STK39: variants seen among roughly 807,000 people sequenced by gnomAD.
STK39 encodes serine/threonine kinase 39.
A neutral mutation model predicts 77.8 loss-of-function variants in STK39; 20 were observed. That is an observed-to-expected ratio of 0.26 (90% CI 0.18 to 0.37). STK39 has a LOEUF of 0.37. Among genes scored for constraint, STK39 ranks in the 10% least tolerant of loss-of-function variants. The pLI is 1.00. For synonymous variants in STK39, 246 were observed against 234.1 expected (o/e 1.05, Z -0.47); for missense variants, 479 against 656.5 (o/e 0.73, Z 2.95).
intron 14 of STK39, among the ~76,000 whole-genome samples, chr2:168,044,304 G>A (rs1031145594): frequency 6.6e-6 from 1 of 152,174 alleles, no homozygotes; most frequent in Non-Finnish European, 1.5e-5. Flanking sequence ...ACATAGTAGA[G>A]ATTAGGATGG....
At chr2:168,134,536 C>A (rs986811284) in intron 8 of STK39, among the ~76,000 whole-genome samples, 4 of 147,678 alleles carry the variant, frequency 2.7e-5, no homozygotes, top group African/African-American at 1.0e-4. Flanking sequence ...AAAGTTGGTT[C>A]TTTTTACAGT....
chr2:168,029,093 A>G (rs1684771936), intron 14 of STK39, among the ~76,000 whole-genome samples: 1 of 152,190 alleles, frequency 6.6e-6, no homozygotes, highest in East Asian at 1.9e-4. Flanking sequence ...AATTCTTGCA[A>G]GAAGGATGTT....
At chr2:168,099,681 C>T (rs1173626102) in intron 10 of STK39, among the ~76,000 whole-genome samples, 2 of 152,166 alleles carry the variant, frequency 1.3e-5, no homozygotes, top group Non-Finnish European at 2.9e-5. Flanking sequence ...TCAAGTTATA[C>T]AAAATCTTGT....
chr2:168,119,195 T>C (rs981248528), intron 10 of STK39, among the ~76,000 whole-genome samples: 2 of 152,184 alleles, frequency 1.3e-5, no homozygotes, highest in Non-Finnish European at 2.9e-5. Flanking sequence ...CTCAGGCCGA[T>C]GTGGATCACT....
intron 2 of STK39, among the ~76,000 whole-genome samples, chr2:168,170,084 A>G (rs6433038): frequency 0.44 from 66,717 of 152,072 alleles, 16,899 homozygotes; most frequent in East Asian, 0.77. Context: ...GATATGACCT[A>G]TGCTATCACT....
At chr2:168,036,457 T>C (rs1391183692) in intron 14 of STK39, among the ~76,000 whole-genome samples, 1 of 152,206 alleles carries the variant, frequency 6.6e-6, no homozygotes, top group Non-Finnish European at 1.5e-5. Context: ...TCATTCTGGC[T>C]CTAGGGATGA....
intron 5 of STK39, among the ~76,000 whole-genome samples, chr2:168,157,436 G>A (rs917664286): frequency 6.6e-6 from 1 of 151,996 alleles, no homozygotes; most frequent in African/African-American, 2.4e-5. Context: ...TTGTGTATTG[G>A]GCCTACTATA....
intron 1 of STK39, among the ~76,000 whole-genome samples, chr2:168,188,845 G>A (rs1010347670): frequency 1.3e-5 from 2 of 152,146 alleles, no homozygotes; most frequent in Non-Finnish European, 2.9e-5. Flanking sequence ...CTTGCCCTAC[G>A]CATTAATTTA....
Position 168,078,155 on chromosome 2 carries a change from C to T in STK39, c.1090-2924G>A, listed in dbSNP as rs560657938. Among the ~76,000 whole-genome samples the T allele has an allele frequency of 7.6e-4, 116 of 152,302 alleles. 3 individuals carry two copies. In the South Asian group the frequency reaches 0.023, roughly 30 times the overall value. On this transcript the variant is annotated intron_variant, in intron 10 of 17. Transcript: ENST00000355999. Reference sequence around the variant, plus strand: ...AGTTTAAGTGATACCTAAAGGAATTCATAATCTCACAAATTCTTCAGGTCA... The same window carrying T: ...AGTTTAAGTGATACCTAAAGGAATTTATAATCTCACAAATTCTTCAGGTCA...
rs539755262 is a variant in STK39 at position 168,177,533 on chromosome 2, C to A, written c.321+4445G>T. Reference sequence around the variant, plus strand: ...TCAATCCCTGAATAAAGTAGAGTAACCTGAACATCACAAAAAGTGGGGTTA... The same window carrying A: ...TCAATCCCTGAATAAAGTAGAGTAAACTGAACATCACAAAAAGTGGGGTTA... On this transcript the variant is annotated intron_variant, in intron 2 of 17. Coordinates refer to ENST00000355999, the MANE Select transcript of STK39 (RefSeq NM_013233.3). Among the ~76,000 whole-genome samples, 9 of 152,186 alleles carry A rather than the reference C, an allele frequency of 5.9e-5. No individual in the cohort carries two copies. The South Asian group carries it at 1.2e-3, about 21-fold the overall frequency.
At chr2:168,201,515 C>T (rs1033389597) in intron 1 of STK39, among the ~76,000 whole-genome samples, 1 of 152,168 alleles carries the variant, frequency 6.6e-6, no homozygotes, top group African/African-American at 2.4e-5. Flanking sequence ...ACCCCTCAAA[C>T]CACAGCTGCA....
intron 16 of STK39, among the ~76,000 whole-genome samples, chr2:167,998,263 T>G (rs1683900303): frequency 6.6e-6 from 1 of 152,238 alleles, no homozygotes; most frequent in Non-Finnish European, 1.5e-5. Flanking sequence ...CTTACTTTAC[T>G]GCACCTGCAT....
chr2:168,244,958 C>T (rs1482781895), intron 1 of STK39, among the ~76,000 whole-genome samples: 1 of 152,196 alleles, frequency 6.6e-6, no homozygotes, highest in African/African-American at 2.4e-5. Context: ...TAATCCCACT[C>T]AACTTAAACT....
At chr2:167,998,518 T>C (rs1244803900) in intron 16 of STK39, among the ~76,000 whole-genome samples, 1 of 152,224 alleles carries the variant, frequency 6.6e-6, no homozygotes, top group Non-Finnish European at 1.5e-5. Context: ...TATTATGAAA[T>C]GGAAATATAT....
At chr2:168,180,640 C>A (rs1324125246) in intron 2 of STK39, among the ~76,000 whole-genome samples, 7 of 152,112 alleles carry the variant, frequency 4.6e-5, no homozygotes, top group Non-Finnish European at 8.8e-5. Flanking sequence ...TTTTCCAACT[C>A]AGAGAAAGTG....
intron 16 of STK39, among the ~76,000 whole-genome samples, chr2:168,010,820 T>C (rs540872198): frequency 6.6e-6 from 1 of 152,340 alleles, no homozygotes; most frequent in Admixed American, 6.5e-5. Flanking sequence ...AATCTCCCAC[T>C]ATAAACTCAA....
At chr2:168,124,216 C>A (rs745381353) in intron 10 of STK39, among the ~76,000 whole-genome samples, 4 of 152,144 alleles carry the variant, frequency 2.6e-5, no homozygotes, top group Non-Finnish European at 5.9e-5. Flanking sequence ...CAAGCAATAA[C>A]CCTCCAGTAA....
intron 14 of STK39, among the ~76,000 whole-genome samples, chr2:168,034,029 A>G (rs1328480096): frequency 6.6e-6 from 1 of 152,172 alleles, no homozygotes. Flanking sequence ...CTGCCCTGAG[A>G]TCTTTTCTGT....
chr2:168,066,758 C>A (rs1485653870), intron 12 of STK39, among the ~76,000 whole-genome samples: 1 of 152,242 alleles, frequency 6.6e-6, no homozygotes, highest in Non-Finnish European at 1.5e-5. Flanking sequence ...ACACACCCTG[C>A]AACCTTACTG....
Sources: gnomAD v4.1 joint callset for allele counts (sites outside exome capture counted in the v4.1 genomes callset) on GRCh38, gnomAD v4.1.1 for gene constraint, MANE v1.5 for transcripts, NCBI Gene and HGNC (gene_info 2026-07-23, HGNC 2026-07-21) for gene names.